TRIM29: variants seen among roughly 807,000 people sequenced by gnomAD.
TRIM29 encodes tripartite motif-containing protein 29.
Under a neutral mutation model 57.3 loss-of-function variants are expected in TRIM29, and 52 were observed. The ratio of observed to expected loss-of-function variants is 0.91; its 90% CI spans 0.73 to 1.14. The LOEUF (loss-of-function observed/expected upper bound fraction) is 1.14, where lower values mean the gene tolerates loss of function less well. TRIM29 is among the 50% of genes most tolerant of loss of function. The pLI is 0.00. For missense variants in TRIM29, 753 were observed against 774.6 expected (o/e 0.97, Z 0.33); for synonymous variants, 319 against 316.9 (o/e 1.01, Z -0.07).
intron 1 of TRIM29, among the ~76,000 whole-genome samples, chr11:120,131,072 G>A (rs1863713116): frequency 6.6e-6 from 1 of 152,164 alleles, no homozygotes; most frequent in Non-Finnish European, 1.5e-5. Context: ...GGACAAAAGG[G>A]GATGAGGGTG....
chr11:120,127,215 G>T, intron 3 of TRIM29, 121 bp downstream of exon 3: 1 of 804,886 alleles, frequency 1.2e-6, no homozygotes, highest in Non-Finnish European at 2.0e-6. Context: ...GCTGGATGGT[G>T]GATGAACAGA....
Position 120,137,453 on chromosome 11 carries a change from G to A in TRIM29, c.579C>T (p.Ser193=). 1 of 1,605,806 alleles carries A rather than the reference G, an allele frequency of 6.2e-7. No homozygotes were observed. Among genetic ancestry groups the A allele is most frequent in the Non-Finnish European group, 8.5e-7 (1 of 1,179,960 alleles). ...AVKSCLVCQA[S]FCELHLKPHL... Reference sequence around the variant, plus strand: ...GGGGCTTGAGATGCAGCTCGCAGAAGGAGGCCTGGCACACCAGGCAGGACT... The same window carrying A: ...GGGGCTTGAGATGCAGCTCGCAGAAAGAGGCCTGGCACACCAGGCAGGACT... Residue 193 remains serine (S), a synonymous_variant, in exon 1 of 9, where the codon TCC becomes TCT. Coordinates refer to ENST00000341846, the MANE Select transcript of TRIM29 (RefSeq NM_012101.4). This position sits in a 1 kb window ranked among gnomAD's most constrained non-coding sequence, Gnocchi z 6.2.
intron 5 of TRIM29, among the ~76,000 whole-genome samples, chr11:120,122,211 C>T (rs572416376): frequency 6.6e-6 from 1 of 151,888 alleles, no homozygotes; most frequent in Non-Finnish European, 1.5e-5. Flanking sequence ...CTTCCCCCTC[C>T]CCAGCCCCTG....
rs1287452983 is a variant in TRIM29, at chr11:120,127,451, A to C, written c.1019T>G (p.Val340Gly). The change falls in exon 3 of 9, where the codon GTG (valine) becomes GGG (glycine). Residue 340 changes from valine to glycine, a missense_variant. Physicochemically the swap from Val to Gly is moderately radical, Grantham distance 109. Coordinates refer to ENST00000341846, the MANE Select transcript of TRIM29 (RefSeq NM_012101.4). ...AALEQREQDA[V>G]DQVKVIMDAL... ...ATCCATGATCACCTTCACTTGGTCCACAGCATCCTGCTCCCGCTGCTCCAG... is the reference window on the plus strand; with the variant it reads ...ATCCATGATCACCTTCACTTGGTCCCCAGCATCCTGCTCCCGCTGCTCCAG... 6 of 1,614,088 alleles carry C rather than the reference A, an allele frequency of 3.7e-6. No homozygotes were observed. The highest frequency in any genetic ancestry group is 5.1e-6 in the Non-Finnish European group (6 of 1,180,050).
Position 120,125,763 on chromosome 11 carries a change from T to C in TRIM29, c.1261A>G (p.Met421Val), listed in dbSNP as rs747437484. The C allele has an allele frequency of 1.2e-6, 2 of 1,614,212 alleles. No individual in the cohort carries two copies. The highest frequency in any genetic ancestry group is 2.2e-5 in the South Asian group (2 of 91,080). ...NFKDDLLNVCMRHVEKMCKAD... is the reference protein window; with the variant it reads ...NFKDDLLNVCVRHVEKMCKAD... ...TTGCACATCTTCTCAACGTGGCGCA[T>C]GCATACATTGAGCAGGTCGTCCTTG... Residue 421 changes from methionine to valine, a missense_variant, in exon 4 of 9, where the codon ATG becomes GTG. Coordinates refer to ENST00000341846, the MANE Select transcript of TRIM29 (RefSeq NM_012101.4).
At chr11:120,123,789 A>T in intron 4 of TRIM29, 1 of 317,662 alleles carries the variant, frequency 3.1e-6, no homozygotes, top group Non-Finnish European at 6.1e-6. Flanking sequence ...CTCATTCTTC[A>T]TCTTCATCAC....
Position 120,137,393 on chromosome 11 carries a change from C to A in TRIM29, c.639G>T (p.Leu213=). 1 of 1,612,814 alleles carries A rather than the reference C, an allele frequency of 6.2e-7. No individual in the cohort carries two copies. Among genetic ancestry groups the A allele is most frequent in the Non-Finnish European group, 8.5e-7 (1 of 1,180,012 alleles). ...CCTCAAAGTCCCGGATGGGCTCGAG[C>A]AGCTGGTGGTCTCGGAAGGCGGCGC... The part of the protein sequence containing the change: ...LEGAAFRDHQ[L]LEPIRDFEAR... The change falls in exon 1 of 9, where the codon CTG becomes CTT. Residue 213 remains leucine, a synonymous_variant. Coordinates refer to ENST00000341846, the MANE Select transcript of TRIM29 (RefSeq NM_012101.4). This position sits in a 1 kb window ranked among gnomAD's most constrained non-coding sequence, Gnocchi z 6.2.
chr11:120,114,282 G>C (rs1863211633), intron 8 of TRIM29, among the ~76,000 whole-genome samples: 2 of 152,208 alleles, frequency 1.3e-5, no homozygotes, highest in South Asian at 4.1e-4. Context: ...GTCTAGAACA[G>C]AAACCTTCTT....
Position 120,112,261 on chromosome 11 carries a change from G to C in TRIM29, c.*153C>G. Reference sequence around the variant, plus strand: ...GCCAGTGGGGAAGTCGGAGAGGCCGGAACTGCCCCCAAGAGGCTGGCAGAG... The same window carrying C: ...GCCAGTGGGGAAGTCGGAGAGGCCGCAACTGCCCCCAAGAGGCTGGCAGAG... On this transcript the variant is annotated 3_prime_UTR_variant, in exon 9 of 9. Coordinates refer to ENST00000341846, the MANE Select transcript of TRIM29 (RefSeq NM_012101.4). 1.2e-6 allele frequency: 1 copy of C among 800,916 alleles called. No homozygotes were observed. The highest frequency in any genetic ancestry group is 1.7e-5 in the South Asian group (1 of 57,554). 49.6% of individuals were successfully genotyped at this position (800,916 alleles called of 1,614,324 possible). A position where few individuals can be genotyped will look rare whatever the true frequency, so the allele number is the denominator to read the frequency against.
Position 120,119,483 on chromosome 11 carries a change from C to A in TRIM29, c.1528+1090G>T, listed in dbSNP as rs567313172. The stretch of plus-strand genomic sequence containing the variant: ...GTAAGCACGTCCAGCCAGGGTTCCG[C>A]GAGGCCAGACACCTTGCCCTCCTGT... On this transcript the variant is annotated intron_variant, in intron 6 of 8. Coordinates refer to ENST00000341846, the MANE Select transcript of TRIM29 (RefSeq NM_012101.4). Among the ~76,000 whole-genome samples, 7 of 152,324 alleles carry A rather than the reference C, an allele frequency of 4.6e-5. No homozygotes were observed. In the East Asian group the frequency reaches 7.7e-4, roughly 17 times the overall value.
At chr11:120,121,884 GT>G in intron 5 of TRIM29, 1 of 420,464 alleles carries the variant, frequency 2.4e-6, no homozygotes, top group South Asian at 1.7e-5. Flanking sequence ...GCGAGGCCAG[GT>G]AGGGGTTCTG....
At chr11:120,136,280 C>T (rs1045727867) in intron 1 of TRIM29, among the ~76,000 whole-genome samples, 7 of 152,188 alleles carry the variant, frequency 4.6e-5, no homozygotes, top group African/African-American at 1.7e-4. Context: ...TACCAAGCAT[C>T]ATAGCTTAAC....
rs1340258237 is a variant in TRIM29, at chr11:120,111,963, G to C, written c.*451C>G. 1.1e-5 allele frequency: 2 copies of C among 181,282 alleles called. No individual in the cohort carries two copies. The highest frequency in any genetic ancestry group is 1.2e-4 in the Admixed American group (2 of 17,074). 11.2% of individuals were successfully genotyped at this position (181,282 alleles called of 1,614,324 possible). ...CCATGTGAATGGGAGATGGGTGGCT[G>C]TGCTGTCCAGGCATCTGCTGACAAC... On this transcript the variant is annotated 3_prime_UTR_variant, in exon 9 of 9. Coordinates refer to ENST00000341846, the MANE Select transcript of TRIM29 (RefSeq NM_012101.4).
At chr11:120,115,509 A>C in intron 7 of TRIM29, 95 bp from the exon 8 acceptor site, 3 of 1,062,418 alleles carry the variant, frequency 2.8e-6, no homozygotes, top group Non-Finnish European at 1.4e-6. Flanking sequence ...CAAAGTGACC[A>C]CCAAGCATCA....
At chr11:120,127,821 G>A (rs1863627097) in intron 2 of TRIM29, among the ~76,000 whole-genome samples, 1 of 152,126 alleles carries the variant, frequency 6.6e-6, no homozygotes, top group African/African-American at 2.4e-5. Context: ...TTGGTGGGTT[G>A]ATATGAGCCA....
rs1030429047 is a variant in TRIM29 at position 120,128,789 on chromosome 11, CAGCAAG to C, written c.805-300_805-295del. 5 of 1,532,378 alleles carry C rather than the reference CAGCAAG, an allele frequency of 3.3e-6. No individual in the cohort carries two copies. In the African/African-American group the frequency reaches 6.8e-5, roughly 21 times the overall value. The allele number at this position is 1,532,378 out of a possible 1,614,324, so 94.9% of individuals were successfully genotyped here. On this transcript the variant is annotated intron_variant, in intron 1 of 8. Coordinates refer to ENST00000341846, the MANE Select transcript of TRIM29 (RefSeq NM_012101.4). Reference sequence around the variant, plus strand: ...TAAACCTCTGCCTATCTCCTCCACCCAGCAAGAGCAGGAGGGAAACTCATTTACAGG... The same window carrying C: ...TAAACCTCTGCCTATCTCCTCCACCCAGCAGGAGGGAAACTCATTTACAGG...
chr11:120,114,706 C>T (rs1045602213), intron 8 of TRIM29, among the ~76,000 whole-genome samples: 2 of 152,118 alleles, frequency 1.3e-5, no homozygotes, highest in African/African-American at 4.8e-5. Context: ...ATCTCAGTCC[C>T]CACATAATAA....
intron 7 of TRIM29, chr11:120,115,684 C>A (rs1863250258): frequency 2.1e-6 from 1 of 477,768 alleles, no homozygotes; most frequent in Non-Finnish European, 3.8e-6. Flanking sequence ...AGTGTTGCCC[C>A]CACATCCAGC....
At chr11:120,118,358 C>A in intron 6 of TRIM29, 37 bp from the exon 7 acceptor site, 1 of 1,545,862 alleles carries the variant, frequency 6.5e-7, no homozygotes. Flanking sequence ...GCCCCCACAG[C>A]TGGGAGTGGG....
Sources: allele counts gnomAD v4.1 joint callset (sites outside exome capture counted in the v4.1 genomes callset), GRCh38; gene constraint gnomAD v4.1.1; non-coding constraint Gnocchi (gnomAD v3.1); transcripts MANE v1.5; gene names NCBI Gene and HGNC (gene_info 2026-07-23, HGNC 2026-07-21).